Variants in HPSE2 observed in about 807,000 individuals in gnomAD.
HPSE2 encodes inactive heparanase-2.
A neutral mutation model predicts 60.5 loss-of-function variants in HPSE2; 38 were observed. The observed-to-expected ratio is 0.63, with a 90% confidence interval of 0.48 to 0.82. The LOEUF is 0.82. Among genes scored for constraint, HPSE2 ranks in the 40% least tolerant of loss-of-function variants. The pLI, the probability that HPSE2 is intolerant of heterozygous loss-of-function variation, is 0.00. For synonymous variants in HPSE2, 295 were observed against 293.2 expected, an observed-to-expected ratio of 1.01 and a Z score of -0.06; for missense variants, 713 against 740.4, an observed-to-expected ratio of 0.96 and a Z score of 0.43.
chr10:98,764,621 A>G (rs1217064683), intron 3 of HPSE2, among the ~76,000 whole-genome samples: 4 of 152,238 alleles, frequency 2.6e-5, no homozygotes, highest in Non-Finnish European at 5.9e-5. Flanking sequence ...TGGGAGGCAG[A>G]GGCAGGCAGA....
At chr10:98,508,740 C>A (rs2133734786) in intron 9 of HPSE2, among the ~76,000 whole-genome samples, 1 of 152,134 alleles carries the variant, frequency 6.6e-6, no homozygotes, top group African/African-American at 2.4e-5. Flanking sequence ...GTGTTTGGGG[C>A]AACAGAAAGA....
chr10:98,532,702 AAGGAGT>A (rs1943167141), intron 9 of HPSE2, among the ~76,000 whole-genome samples: 1 of 152,214 alleles, frequency 6.6e-6, no homozygotes, highest in Non-Finnish European at 1.5e-5. Context: ...CTGTAAAATA[AAGGAGT>A]AGGAGAAGAT....
intron 3 of HPSE2, among the ~76,000 whole-genome samples, chr10:99,142,052 T>C (rs548137655): frequency 3.5e-4 from 54 of 152,278 alleles, no homozygotes; most frequent in African/African-American, 1.2e-3. Flanking sequence ...AGTTTCCTCA[T>C]TGTGTTCGCA....
chr10:98,788,836 C>A (rs1223388664), intron 3 of HPSE2, among the ~76,000 whole-genome samples: 1 of 151,156 alleles, frequency 6.6e-6, no homozygotes, highest in Non-Finnish European at 1.5e-5. Context: ...TGGCCTGCAC[C>A]CACTGTCTGG....
At chr10:98,852,151 GTGTGTGTGTGTGTGTA>G (rs1446925785) in intron 3 of HPSE2, among the ~76,000 whole-genome samples, 1 of 139,630 alleles carries the variant, frequency 7.2e-6, no homozygotes, top group African/African-American at 2.7e-5. Context: ...GTGTGTGTGT[GTGTGTGTGTGTGTGTA>G]TATATGTTTG....
intron 6 of HPSE2, among the ~76,000 whole-genome samples, chr10:98,669,104 T>G (rs1040516636): frequency 4.0e-5 from 6 of 150,658 alleles, no homozygotes; most frequent in Admixed American, 1.3e-4. Flanking sequence ...CAAAAGAAGA[T>G]GTACAAGTGG....
chr10:98,905,541 C>G (rs528292635), intron 3 of HPSE2, among the ~76,000 whole-genome samples: 1 of 152,104 alleles, frequency 6.6e-6, no homozygotes, highest in Non-Finnish European at 1.5e-5. Context: ...TGTTCAGGAT[C>G]CAGTGACTTC....
intron 11 of HPSE2, among the ~76,000 whole-genome samples, chr10:98,463,176 C>T (rs1940376127): frequency 1.3e-5 from 2 of 152,122 alleles, no homozygotes; most frequent in African/African-American, 4.8e-5. Flanking sequence ...ATCTCTGTGC[C>T]ACATTGCTGA....
chr10:98,763,781 GA>G (rs56892977), intron 3 of HPSE2, among the ~76,000 whole-genome samples: 11,076 of 140,530 alleles, frequency 0.079, 780 homozygotes, highest in African/African-American at 0.19. Context: ...ATTTTCAGAT[GA>G]AAAAAAAAAA....
At chr10:99,306,004 C>CAA in the HPSE2 span, among the ~76,000 whole-genome samples, 1 of 150,546 alleles carries the variant, frequency 6.6e-6, no homozygotes, top group Admixed American at 6.6e-5. Context: ...CACACACACA[C>CAA]ACACACACAC....
chr10:99,195,846 T>TAA (rs35111021), intron 2 of HPSE2, among the ~76,000 whole-genome samples: 73,662 of 149,284 alleles, frequency 0.49, 21,009 homozygotes, highest in Non-Finnish European at 0.64. Context: ...TTCACCAAAA[T>TAA]AAAAAAAAAA....
chr10:99,136,471 C>T (rs61883575), intron 3 of HPSE2, among the ~76,000 whole-genome samples: 10 of 152,168 alleles, frequency 6.6e-5, no homozygotes, highest in Non-Finnish European at 1.3e-4. Context: ...CCCTGATGAA[C>T]ATCGATGCGA....
At chr10:99,315,548 G>C in the HPSE2 span, among the ~76,000 whole-genome samples, 2 of 152,198 alleles carry the variant, frequency 1.3e-5, no homozygotes, top group Admixed American at 1.3e-4. Flanking sequence ...GGAGGAGACG[G>C]ACAGGTAGAA....
intron 3 of HPSE2, among the ~76,000 whole-genome samples, chr10:98,775,899 A>G (rs1162904406): frequency 1.3e-5 from 2 of 152,166 alleles, no homozygotes; most frequent in Admixed American, 6.6e-5. Flanking sequence ...GATGAATAAC[A>G]CAGTCATATT....
At chr10:98,890,454 C>T (rs1044156821) in intron 3 of HPSE2, among the ~76,000 whole-genome samples, 41 of 151,988 alleles carry the variant, frequency 2.7e-4, no homozygotes, top group African/African-American at 9.7e-4. Flanking sequence ...AAAGCATGAT[C>T]CAAATTGCCT....
rs527670493 is a variant in HPSE2 at position 99,181,195 on chromosome 10, G to A, written c.449-36796C>T. On this transcript the variant is annotated intron_variant, in intron 2 of 11. Transcript: ENST00000370552. The stretch of plus-strand genomic sequence containing the variant: ...GGGCGGATCACGAGGTCAGGAGATT[G>A]AGACCATCCCGGCTAAAACGGTGAA... Among the ~76,000 whole-genome samples, 9 of 150,866 alleles carry A rather than the reference G, an allele frequency of 6.0e-5. No homozygotes were observed. The South Asian group carries it at 8.4e-4, about 14-fold the overall frequency.
chr10:99,104,261 C>G (rs562568621), intron 3 of HPSE2, among the ~76,000 whole-genome samples: 1 of 152,168 alleles, frequency 6.6e-6, no homozygotes, highest in African/African-American at 2.4e-5. Flanking sequence ...TATCCAGGTT[C>G]TACAAAGAAC....
intron 9 of HPSE2, among the ~76,000 whole-genome samples, chr10:98,545,422 C>T (rs1176993339): frequency 2.0e-5 from 3 of 152,056 alleles, no homozygotes; most frequent in Non-Finnish European, 2.9e-5. Context: ...ACTGGCAAAT[C>T]GAATCCAGCA....
At chr10:98,511,484 A>T (rs1316663640) in intron 9 of HPSE2, among the ~76,000 whole-genome samples, 2 of 151,604 alleles carry the variant, frequency 1.3e-5, no homozygotes, top group Non-Finnish European at 2.9e-5. Flanking sequence ...ATTAAAATAT[A>T]TTTTTTACCT....
Sources: gnomAD v4.1 joint callset for allele counts (sites outside exome capture counted in the v4.1 genomes callset) on GRCh38, gnomAD v4.1.1 for gene constraint, MANE v1.5 for transcripts, NCBI Gene and HGNC (gene_info 2026-07-23, HGNC 2026-07-21) for gene names.